PFKFB3: variants seen among roughly 807,000 people sequenced by gnomAD.
PFKFB3 encodes 6-phosphofructo-2-kinase/fructose-2,6-bisphosphatase 3.
A neutral mutation model predicts 68.0 loss-of-function variants in PFKFB3; 33 were observed. That is an observed-to-expected ratio of 0.49 (90% CI 0.37 to 0.65). The LOEUF is 0.65. PFKFB3 is among the 30% of genes least tolerant of loss of function. The pLI, the probability that PFKFB3 is intolerant of heterozygous loss-of-function variation, is 0.00. For synonymous variants in PFKFB3, 315 were observed against 288.2 expected (o/e 1.09, Z -0.94); for missense variants, 586 against 712.2 (o/e 0.82, Z 2.02).
At chr10:6,163,697 C>G (rs1477918097) in intron 1 of PFKFB3, 2 of 95,652 alleles carry the variant, frequency 2.1e-5, no homozygotes, top group Admixed American at 2.0e-4. Context: ...CGTGGCGGGA[C>G]CGGCGGGGGC....
chr10:6,210,400 A>C lies in PFKFB3; in HGVS notation c.77-3223A>C, dbSNP rs377164405. Among the ~76,000 whole-genome samples, 38 of 83,214 alleles carry C rather than the reference A, an allele frequency of 4.6e-4. 4 individuals carry two copies. The highest frequency in any genetic ancestry group is 2.0e-3 in the East Asian group (7 of 3,438). The allele number at this position is 83,214 out of a possible 152,430, so 54.6% of individuals were successfully genotyped here. On this transcript the variant is annotated intron_variant, in intron 1 of 14. Transcript: ENST00000379775. ...TTTTGAGACGAAGTTTCGCTCTGTC[A>C]CCCAGGCTGGAGTGCAGTGGCGCTA... is the stretch of plus-strand genomic sequence containing the variant.
At chr10:6,315,756 G>A in the PFKFB3 span, among the ~76,000 whole-genome samples, 3 of 152,198 alleles carry the variant, frequency 2.0e-5, no homozygotes, top group Non-Finnish European at 2.9e-5. Context: ...AAAGTGTTGG[G>A]ATTATAGGCG....
At chr10:6,269,015 T>C in the PFKFB3 span, among the ~76,000 whole-genome samples, 1 of 106,178 alleles carries the variant, frequency 9.4e-6, no homozygotes, top group East Asian at 2.6e-4. Flanking sequence ...AAGAGTGAGA[T>C]CCTGTCTCAA....
At chr10:6,305,951 A>C in the PFKFB3 span, among the ~76,000 whole-genome samples, 1 of 152,184 alleles carries the variant, frequency 6.6e-6, no homozygotes, top group East Asian at 1.9e-4. Flanking sequence ...TTCTCCCCAG[A>C]GTGCTGAGGT....
intron 1 of PFKFB3, among the ~76,000 whole-genome samples, chr10:6,187,432 T>A (rs1282198578): frequency 6.6e-6 from 1 of 152,174 alleles, no homozygotes; most frequent in East Asian, 1.9e-4. Flanking sequence ...AGTAGCTTGG[T>A]ATTTAAATAG....
chr10:6,205,860 C>A (rs1843649372), intron 1 of PFKFB3, among the ~76,000 whole-genome samples: 2 of 151,770 alleles, frequency 1.3e-5, no homozygotes, highest in Non-Finnish European at 2.9e-5. Flanking sequence ...GGCAGTGGTG[C>A]GACCATAGCT....
chr10:6,283,911 T>C, the PFKFB3 span, among the ~76,000 whole-genome samples: 17 of 152,196 alleles, frequency 1.1e-4, no homozygotes, highest in East Asian at 3.1e-3. Flanking sequence ...CAGTATCATC[T>C]CATCGCAAGA....
chr10:6,321,123 C>G, the PFKFB3 span, among the ~76,000 whole-genome samples: 18 of 152,206 alleles, frequency 1.2e-4, no homozygotes, highest in Non-Finnish European at 2.2e-4. Flanking sequence ...AAAGCCTTCC[C>G]TCTGGGCCTG....
At chr10:6,248,402 G>GC (rs1304241339) in intron 14 of PFKFB3, among the ~76,000 whole-genome samples, 1 of 151,796 alleles carries the variant, frequency 6.6e-6, no homozygotes, top group Non-Finnish European at 1.5e-5. Context: ...GCCGAGGTGG[G>GC]CAAATGGCTT....
At chr10:6,211,818 C>G (rs563741434) in intron 1 of PFKFB3, among the ~76,000 whole-genome samples, 26 of 152,352 alleles carry the variant, frequency 1.7e-4, no homozygotes, top group Non-Finnish European at 3.2e-4. Flanking sequence ...CCTTACTCTG[C>G]CTGCTGAGAA....
chr10:6,213,871 C>A (rs950892740), intron 2 of PFKFB3, 123 bp downstream of exon 2: 3 of 1,006,888 alleles, frequency 3.0e-6, no homozygotes, highest in Non-Finnish European at 4.4e-6. Context: ...GGAGTCTGAT[C>A]CTGCCTCCCA....
At chr10:6,208,441 T>A (rs1843943734) in intron 1 of PFKFB3, among the ~76,000 whole-genome samples, 1 of 145,468 alleles carries the variant, frequency 6.9e-6, no homozygotes, top group Non-Finnish European at 1.5e-5. Context: ...TTGTCTTTGC[T>A]CAGGATTTAG....
chr10:6,274,885 A>G, the PFKFB3 span, among the ~76,000 whole-genome samples: 4 of 135,664 alleles, frequency 2.9e-5, no homozygotes, highest in African/African-American at 1.0e-4. Flanking sequence ...TGCCATGAAC[A>G]TATTATGATT....
chr10:6,254,157 A>G, intron 14 of PFKFB3: 1 of 392,702 alleles, frequency 2.5e-6, no homozygotes, highest in Non-Finnish European at 4.4e-6. Context: ...TCTAATCCAC[A>G]ATGTACTCCT....
the PFKFB3 span, among the ~76,000 whole-genome samples, chr10:6,314,169 C>T: frequency 6.6e-6 from 1 of 152,160 alleles, no homozygotes; most frequent in Non-Finnish European, 1.5e-5. Context: ...AATCTAGAAG[C>T]AAAAAGGCCA....
intron 14 of PFKFB3, 138 bp from the exon 15 acceptor site, chr10:6,232,757 C>G: frequency 1.4e-6 from 1 of 724,074 alleles, no homozygotes; most frequent in Non-Finnish European, 2.4e-6. Context: ...GTTGGCAGCA[C>G]CTTTCTTGGA....
At chr10:6,231,903 C>T (rs1297161322) in intron 14 of PFKFB3, among the ~76,000 whole-genome samples, 7 of 151,990 alleles carry the variant, frequency 4.6e-5, no homozygotes, top group Admixed American at 3.3e-4. Flanking sequence ...CATCACCTCC[C>T]GGTGGGCACC....
At chr10:6,293,140 G>A in the PFKFB3 span, 1 of 455,606 alleles carries the variant, frequency 2.2e-6, no homozygotes, top group Non-Finnish European at 4.4e-6. Flanking sequence ...TTTTCATCAT[G>A]CTTGGTGTCA....
At chr10:6,168,826 C>T (rs1842215962) in intron 1 of PFKFB3, among the ~76,000 whole-genome samples, 1 of 152,212 alleles carries the variant, frequency 6.6e-6, no homozygotes, top group South Asian at 2.1e-4. Context: ...AGGAGCGAGG[C>T]AGCCCCAGTG....
Sources: allele counts gnomAD v4.1 joint callset (sites outside exome capture counted in the v4.1 genomes callset), GRCh38; gene constraint gnomAD v4.1.1; transcripts MANE v1.5; gene names NCBI Gene and HGNC (gene_info 2026-07-23, HGNC 2026-07-21).